The following NDRG4 variants were observed in gnomAD, a reference collection of about 807,000 sequenced individuals.
The protein encoded by NDRG4 is NDRG family member 4.
A neutral mutation model predicts 55.8 loss-of-function variants in NDRG4; 38 were observed. The observed-to-expected ratio is 0.68, with a 90% CI of 0.53 to 0.89. The LOEUF (loss-of-function observed/expected upper bound fraction) is 0.89. Among genes scored for constraint, NDRG4 ranks in the 40% least tolerant of loss-of-function variants. The probability of loss-of-function intolerance (pLI) is 0.00; values close to 1 mark genes in which losing one functional copy is unlikely to be tolerated. For missense variants in NDRG4, 455 were observed against 468.6 expected, an observed-to-expected ratio of 0.97 and a Z score of 0.27; for synonymous variants, 190 against 182.7, an observed-to-expected ratio of 1.04 and a Z score of -0.32.
chr16:58,497,967 A>T (rs1348389646), upstream of NDRG4, among the ~76,000 whole-genome samples: 2 of 152,038 alleles, frequency 1.3e-5, no homozygotes, highest in Admixed American at 6.6e-5. Context: ...TTAAAAAAAA[A>T]ATCTTGCCCA....
At chr16:58,510,421 G>A (rs2038654241) in intron 13 of NDRG4, among the ~76,000 whole-genome samples, 2 of 152,200 alleles carry the variant, frequency 1.3e-5, no homozygotes, top group Admixed American at 1.3e-4. Flanking sequence ...CACCCCACCT[G>A]TCAGGGCTTC....
chr16:58,503,613 G>T (rs2037446384), intron 1 of NDRG4, 185 bp from the exon 2 acceptor site: 1 of 1,157,162 alleles, frequency 8.6e-7, no homozygotes, highest in Admixed American at 2.0e-5. Flanking sequence ...GTACTGAACA[G>T]CCCTGAGAAG....
At chr16:58,501,728 A>C (rs528991743) in intron 1 of NDRG4, 1 of 282,698 alleles carries the variant, frequency 3.5e-6, no homozygotes, top group Admixed American at 4.1e-5. Context: ...ATCCTGGGAG[A>C]TGAGCCCTAG....
chr16:58,488,566 C>T lies in NDRG4; in HGVS notation c.72+716C>T, dbSNP rs569201034. ...TGGGGTCCCTGCAAGTTATGCTGCC[C>T]GGACCCCCTTCTTTTACAGATGGGG... On this transcript the variant is annotated intron_variant, in intron 2 of 15. Transcript: ENST00000258187. 4.3e-3 allele frequency among the ~76,000 whole-genome samples: 651 copies of T among 152,180 alleles called. 4 individuals are homozygous for T. The highest frequency in any genetic ancestry group is 7.8e-3 in the Non-Finnish European group (529 of 67,990).
chr16:58,500,936 G>A, intron 1 of NDRG4: 2 of 1,142,136 alleles, frequency 1.8e-6, no homozygotes, highest in Non-Finnish European at 2.2e-6. Flanking sequence ...TCAGGCAGGG[G>A]TCCCTGCTGG....
intron 1 of NDRG4, chr16:58,463,883 C>G (rs1333592564): frequency 6.6e-6 from 1 of 151,688 alleles, no homozygotes; most frequent in African/African-American, 2.4e-5. Context: ...CCCAGCCCAG[C>G]CCAGCCCCGA....
intron 1 of NDRG4, among the ~76,000 whole-genome samples, chr16:58,483,619 C>T (rs578038592): frequency 3.5e-4 from 53 of 152,250 alleles, no homozygotes; most frequent in Middle Eastern, 3.4e-3. Context: ...AGCCCCTCTG[C>T]GTGCAGCTAT....
intron 1 of NDRG4, among the ~76,000 whole-genome samples, chr16:58,468,376 T>C (rs1318060741): frequency 6.6e-6 from 1 of 152,236 alleles, no homozygotes; most frequent in Non-Finnish European, 1.5e-5. Context: ...GGCAAATTGT[T>C]ACCTTCTTTC....
chr16:58,500,120 T>C, upstream of NDRG4: 5 of 1,531,524 alleles, frequency 3.3e-6, no homozygotes, highest in Non-Finnish European at 3.5e-6. Context: ...CCTGTATAAA[T>C]GGCCCAGGAG....
intron 5 of NDRG4, among the ~76,000 whole-genome samples, chr16:58,505,713 CTTTTTTTTTTTTTT>C (rs1028370131): frequency 6.8e-5 from 4 of 58,636 alleles, no homozygotes; most frequent in East Asian, 5.7e-4. Context: ...GCTTCATTTT[CTTTTTTTTTTTTTT>C]TTTTTTTTTT....
In NDRG4 at chr16:58,510,878, C is replaced by G. The variant is rs367785826; in HGVS notation, c.904+195C>G. ...CCTCTAGGTTGGCTGGGTTGCAGAG[C>G]AGTCTTGCTTCTAGGTTGTCATGAG... On this transcript the variant is annotated intron_variant, in intron 14 of 14. Coordinates refer to ENST00000570248, the MANE Select transcript of NDRG4 (RefSeq NM_001242835.2). 4 of 620,632 alleles carry G rather than the reference C, an allele frequency of 6.4e-6. No individual in the cohort carries two copies. The African/African-American group carries it at 7.3e-5, about 11-fold the overall frequency. The allele number at this position is 620,632 out of a possible 1,614,324, so 38.4% of individuals were successfully genotyped here.
chr16:58,501,947 G>C (rs927190529), intron 1 of NDRG4: 4 of 455,212 alleles, frequency 8.8e-6, no homozygotes, highest in Non-Finnish European at 1.8e-5. Flanking sequence ...TTATGCAGCA[G>C]GAGGCGCATT....
intron 2 of NDRG4, 30 bp downstream of exon 2, chr16:58,503,933 C>A: frequency 6.2e-7 from 1 of 1,610,516 alleles, no homozygotes. Flanking sequence ...AGTCAGCCCT[C>A]CTCTGCCTCC....
chr16:58,506,771 C>T, intron 7 of NDRG4, 141 bp from the exon 8 acceptor site: 4 of 1,160,910 alleles, frequency 3.4e-6, no homozygotes, highest in Non-Finnish European at 5.0e-6. Flanking sequence ...GGCCCCACAC[C>T]TCCTACCTGC....
chr16:58,505,794 C>T (rs1392232243), intron 5 of NDRG4, among the ~76,000 whole-genome samples: 10 of 143,826 alleles, frequency 7.0e-5, no homozygotes, highest in African/African-American at 1.8e-4. Flanking sequence ...TGATCTCGGC[C>T]CACTGCAACC....
At chr16:58,505,647 C>T (rs995743551) in intron 5 of NDRG4, among the ~76,000 whole-genome samples, 2 of 150,492 alleles carry the variant, frequency 1.3e-5, no homozygotes, top group Admixed American at 6.6e-5. Flanking sequence ...TTTTGCAATG[C>T]CTACGGCAAA....
Position 58,464,955 on chromosome 16 carries a change from C to T in NDRG4, c.-24+1158C>T. 8.4e-7 allele frequency: 1 copy of T among 1,190,420 alleles called. No individual in the cohort carries two copies. The highest frequency in any genetic ancestry group is 1.1e-6 in the Non-Finnish European group (1 of 941,630). The allele number at this position is 1,190,420 out of a possible 1,614,324, so 73.7% of individuals were successfully genotyped here. On this transcript the variant is annotated intron_variant, in intron 1 of 15. Transcript: ENST00000258187. This position sits in a 1 kb window ranked among gnomAD's most constrained non-coding sequence, Gnocchi z 4.8. ...AAGTGGGAAGCCAGATTGGACCCTA[C>T]TGACTGGGGACCCTCAGCCTTGGGG...
upstream of NDRG4, among the ~76,000 whole-genome samples, chr16:58,495,755 G>C (rs549597283): frequency 6.6e-6 from 1 of 152,200 alleles, no homozygotes; most frequent in Admixed American, 6.5e-5. Flanking sequence ...CTGGTCCCTC[G>C]GTCACGCGCC....
At chr16:58,499,800 T>A (rs1332009161), upstream of NDRG4, 6 of 302,394 alleles carry the variant, frequency 2.0e-5, no homozygotes, top group Non-Finnish European at 3.2e-5. Flanking sequence ...GTGACGACCC[T>A]GTGTGTACCT....
Sources: allele counts gnomAD v4.1 joint callset (sites outside exome capture counted in the v4.1 genomes callset), GRCh38; gene constraint gnomAD v4.1.1; non-coding constraint Gnocchi (gnomAD v3.1); transcripts MANE v1.5; gene names NCBI Gene and HGNC (gene_info 2026-07-23, HGNC 2026-07-21).